RORB: variants seen among roughly 807,000 people sequenced by gnomAD.
The protein encoded by RORB is RAR related orphan receptor B.
In RORB, 6 loss-of-function variants were observed where a neutral mutation model predicts 59.1. That is an observed-to-expected ratio of 0.10 (90% CI 0.06 to 0.20). RORB has a LOEUF of 0.20. Ranked by LOEUF, RORB falls within the 10% of genes least tolerant of loss-of-function variation. The pLI is 1.00. For missense variants in RORB, 320 were observed against 560.5 expected (o/e 0.57, Z 4.33); for synonymous variants, 215 against 204.5 (o/e 1.05, Z -0.44).
intron 8 of RORB, among the ~76,000 whole-genome samples, chr9:74,669,932 A>T (rs1206804428): frequency 6.6e-6 from 1 of 152,178 alleles, no homozygotes; most frequent in Non-Finnish European, 1.5e-5. Context: ...ATTCTTGATG[A>T]TCTTATCAGG....
intron 1 of RORB, among the ~76,000 whole-genome samples, chr9:74,548,450 G>A (rs1826537755): frequency 6.6e-6 from 1 of 152,164 alleles, no homozygotes; most frequent in Non-Finnish European, 1.5e-5. Flanking sequence ...CTGGAAATGA[G>A]CTTTCTGGTT....
intron 1 of RORB, among the ~76,000 whole-genome samples, chr9:74,510,162 G>T (rs1038896655): frequency 6.6e-6 from 1 of 152,012 alleles, no homozygotes; most frequent in Non-Finnish European, 1.5e-5. Context: ...CCAATTGATC[G>T]TATTATAGAA....
At chr9:74,541,347 A>G (rs1292573905) in intron 1 of RORB, among the ~76,000 whole-genome samples, 3 of 151,774 alleles carry the variant, frequency 2.0e-5, no homozygotes, top group African/African-American at 7.3e-5. Context: ...CAAACAAACA[A>G]AAAACACATA....
intron 1 of RORB, among the ~76,000 whole-genome samples, chr9:74,553,693 G>A (rs967702504): frequency 2.6e-5 from 4 of 152,142 alleles, no homozygotes; most frequent in African/African-American, 7.2e-5. Context: ...TTGATAGACC[G>A]TGTACCTGTT....
chr9:74,508,283 T>C (rs1283400426), intron 1 of RORB, among the ~76,000 whole-genome samples: 1 of 151,976 alleles, frequency 6.6e-6, no homozygotes, highest in East Asian at 1.9e-4. Flanking sequence ...ACCCTTCCAG[T>C]TGTGTTTTTG....
intron 1 of RORB, among the ~76,000 whole-genome samples, chr9:74,543,457 A>G (rs1304727439): frequency 1.3e-5 from 2 of 152,148 alleles, no homozygotes; most frequent in African/African-American, 4.8e-5. Context: ...TTATTATTTC[A>G]TTCAACAAAG....
intron 5 of RORB, among the ~76,000 whole-genome samples, chr9:74,661,636 C>CTTTTTTTTTTTTT (rs779927558): frequency 1.3e-5 from 1 of 79,590 alleles, no homozygotes; most frequent in African/African-American, 4.8e-5. Flanking sequence ...TTCTTTTTTC[C>CTTTTTTTTTTTTT]TTTTTTTTTT....
chr9:74,508,867 T>C (rs1048296875), intron 1 of RORB, among the ~76,000 whole-genome samples: 5 of 151,894 alleles, frequency 3.3e-5, no homozygotes, highest in African/African-American at 9.7e-5. Flanking sequence ...CAAGGGTTCC[T>C]GCCTGAATCC....
intron 1 of RORB, among the ~76,000 whole-genome samples, chr9:74,559,262 A>G (rs771173731): frequency 2.0e-5 from 3 of 152,162 alleles, no homozygotes; most frequent in Non-Finnish European, 4.4e-5. Context: ...TTTATTTACC[A>G]TATATACCAG....
chr9:74,525,649 C>T (rs1826145855), intron 1 of RORB, among the ~76,000 whole-genome samples: 3 of 151,808 alleles, frequency 2.0e-5, no homozygotes, highest in Non-Finnish European at 2.9e-5. Context: ...TGTGGGAAAC[C>T]GGATTTAAGT....
rs530117143 is a variant in RORB, at chr9:74,685,877, A to C, written c.*259A>C. 302 of 258,540 alleles carry C rather than the reference A, an allele frequency of 1.2e-3. 1 individual carries two copies. The highest frequency in any genetic ancestry group is 1.4e-3 in the Non-Finnish European group (189 of 137,700). 16.0% of individuals were successfully genotyped at this position (258,540 alleles called of 1,614,324 possible). On this transcript the variant is annotated 3_prime_UTR_variant, in exon 10 of 10. Transcript: ENST00000376896. The stretch of plus-strand genomic sequence containing the variant: ...TGGGTGTTATCCTTTTTTTAATTTT[A>C]TTCGGGTATGTTTTGGGAGACAACT...
intron 1 of RORB, among the ~76,000 whole-genome samples, chr9:74,608,441 G>A: frequency 6.6e-6 from 1 of 151,854 alleles, no homozygotes; most frequent in East Asian, 1.9e-4. Flanking sequence ...GCGGGCACCT[G>A]TAGTCCCAGC....
At chr9:74,633,114 A>C (rs1001963290) in intron 2 of RORB, among the ~76,000 whole-genome samples, 2 of 152,218 alleles carry the variant, frequency 1.3e-5, no homozygotes, top group African/African-American at 4.8e-5. Flanking sequence ...ACGCTGAGCC[A>C]TATTGGAGCT....
At chr9:74,584,791 C>T (rs1483876980) in intron 1 of RORB, among the ~76,000 whole-genome samples, 6 of 152,084 alleles carry the variant, frequency 3.9e-5, no homozygotes, top group Admixed American at 6.5e-5. Flanking sequence ...ACTCATGGAG[C>T]TATAGGAAAA....
At chr9:74,556,234 T>C (rs1207106155) in intron 1 of RORB, among the ~76,000 whole-genome samples, 1 of 152,188 alleles carries the variant, frequency 6.6e-6, no homozygotes, top group African/African-American at 2.4e-5. Flanking sequence ...ATTATATGAA[T>C]CCAGTTCATT....
intron 1 of RORB, among the ~76,000 whole-genome samples, chr9:74,557,612 T>C (rs976184462): frequency 1.3e-5 from 2 of 152,150 alleles, no homozygotes; most frequent in Non-Finnish European, 2.9e-5. Context: ...TACTTATGAT[T>C]TGGACTAAGG....
Position 74,642,447 on chromosome 9 carries a change from G to C in RORB, c.269G>C (p.Arg90Thr). The C allele has an allele frequency of 6.2e-7, 1 of 1,613,646 alleles. No individual in the cohort carries two copies. Among genetic ancestry groups the C allele is most frequent in the Non-Finnish European group, 8.5e-7 (1 of 1,179,766 alleles). ...TTTGGGAGGATGTCCAAGAAGCAAAGGGACAGCCTGTATGCTGAGGTGCAG... is the reference window on the plus strand; with the variant it reads ...TTTGGGAGGATGTCCAAGAAGCAAACGGACAGCCTGTATGCTGAGGTGCAG... ...VKFGRMSKKQRDSLYAEVQKH... is the reference protein window; with the variant it reads ...VKFGRMSKKQTDSLYAEVQKH... The change falls in exon 4 of 10, where the codon AGG becomes ACG. Residue 90 changes from arginine to threonine, a missense_variant. By Grantham distance (71) the Arg-to-Thr change is moderately conservative. This residue lies in a region of RORB where 37 missense variants were observed against 116.4 expected (regional missense o/e 0.32). Coordinates refer to ENST00000376896, the MANE Select transcript of RORB (RefSeq NM_006914.4).
intron 1 of RORB, among the ~76,000 whole-genome samples, chr9:74,618,164 A>G (rs1414849371): frequency 2.6e-5 from 4 of 152,132 alleles, no homozygotes; most frequent in South Asian, 2.1e-4. Context: ...CGCGCATGCT[A>G]TAAATACCTC....
chr9:74,629,717 A>G (rs920696923), intron 1 of RORB, among the ~76,000 whole-genome samples: 2 of 152,156 alleles, frequency 1.3e-5, no homozygotes, highest in African/African-American at 4.8e-5. Flanking sequence ...CTCCATCAAT[A>G]TCCTTTATTA....
Sources: allele counts gnomAD v4.1 joint callset (sites outside exome capture counted in the v4.1 genomes callset), GRCh38; gene constraint gnomAD v4.1.1; regional missense constraint gnomAD v4.1.1; transcripts MANE v1.5; gene names NCBI Gene and HGNC (gene_info 2026-07-23, HGNC 2026-07-21).